AK5: variants seen among roughly 807,000 people sequenced by gnomAD.
AK5 encodes the protein adenylate kinase isoenzyme 5.
Under a neutral mutation model 69.5 loss-of-function variants are expected in AK5, and 27 were observed. The ratio of observed to expected loss-of-function variants is 0.39; its 90% CI spans 0.29 to 0.54. AK5 has a LOEUF of 0.54. Among genes scored for constraint, AK5 ranks in the 20% least tolerant of loss-of-function variants. AK5 has a pLI of 0.71. For synonymous variants in AK5, 260 were observed against 244.4 expected (o/e 1.06, Z -0.60); for missense variants, 531 against 700.4 (o/e 0.76, Z 2.73).
rs1323940877 is a variant in AK5, at chr1:77,367,564, T to TA, written c.891+26997dup. The stretch of plus-strand genomic sequence containing the variant: ...GACTCATTTATGTTATTTTTATATA[T>TA]ATATATATATATATAATATATATGT... On this transcript the variant is annotated intron_variant, in intron 6 of 13. Transcript: ENST00000354567. 7.1e-4 allele frequency among the ~76,000 whole-genome samples: 11 copies of TA among 15,466 alleles called. 1 individual carries two copies. Among genetic ancestry groups the TA allele is most frequent in the Non-Finnish European group, 1.3e-4 (1 of 7,574 alleles). 10.1% of individuals were successfully genotyped at this position (15,466 alleles called of 152,430 possible). A position where few individuals can be genotyped will look rare whatever the true frequency, so the allele number is the denominator to read the frequency against.
At chr1:77,541,504 T>TG (rs1181489531) in intron 13 of AK5, among the ~76,000 whole-genome samples, 1 of 152,172 alleles carries the variant, frequency 6.6e-6, no homozygotes, top group Non-Finnish European at 1.5e-5. Context: ...CACCACATCT[T>TG]TTTGCTGTGA....
At chr1:77,501,382 G>A (rs1656709105) in intron 10 of AK5, among the ~76,000 whole-genome samples, 1 of 152,200 alleles carries the variant, frequency 6.6e-6, no homozygotes, top group Admixed American at 6.5e-5. Context: ...GCATTCTGAG[G>A]AATGCCTCAT....
At chr1:77,537,710 T>C (rs540620297) in intron 13 of AK5, among the ~76,000 whole-genome samples, 1 of 152,208 alleles carries the variant, frequency 6.6e-6, no homozygotes, top group Admixed American at 6.5e-5. Flanking sequence ...GGGAAAACCA[T>C]TGATAATGAA....
chr1:77,533,509 C>CAAAAAAAAA (rs10526328), intron 12 of AK5, among the ~76,000 whole-genome samples: 1 of 94,972 alleles, frequency 1.1e-5, no homozygotes, highest in African/African-American at 5.0e-5. Context: ...ACTCTGTCAC[C>CAAAAAAAAA]AAAAAAAAAA....
chr1:77,450,362 T>G (rs1365317494), intron 8 of AK5, among the ~76,000 whole-genome samples: 1 of 152,164 alleles, frequency 6.6e-6, no homozygotes, highest in African/African-American at 2.4e-5. Flanking sequence ...TGGTACCAAA[T>G]TACTGTATTA....
chr1:77,475,357 T>TG (rs575690586), intron 8 of AK5, among the ~76,000 whole-genome samples: 11 of 126,108 alleles, frequency 8.7e-5, no homozygotes, highest in Admixed American at 3.7e-4. Flanking sequence ...TACATATATA[T>TG]TATATATATA....
At chr1:77,482,526 A>G (rs1206339728) in intron 8 of AK5, among the ~76,000 whole-genome samples, 1 of 152,146 alleles carries the variant, frequency 6.6e-6, no homozygotes, top group Non-Finnish European at 1.5e-5. Context: ...TAATCCCAGC[A>G]CTTTGAAAGG....
At chr1:77,367,620 T>TTATA (rs1553139814) in intron 6 of AK5, among the ~76,000 whole-genome samples, 1 of 69,954 alleles carries the variant, frequency 1.4e-5, no homozygotes, top group African/African-American at 7.6e-5. Flanking sequence ...AATATATATG[T>TTATA]TATATATGTA....
At chr1:77,414,562 C>A (rs2100576510) in intron 7 of AK5, among the ~76,000 whole-genome samples, 1 of 152,282 alleles carries the variant, frequency 6.6e-6, no homozygotes, top group African/African-American at 2.4e-5. Context: ...AGGAGCCAAC[C>A]TGAAAATAAT....
chr1:77,530,225 T>C (rs1294953943), intron 12 of AK5, among the ~76,000 whole-genome samples: 1 of 152,234 alleles, frequency 6.6e-6, no homozygotes, highest in Non-Finnish European at 1.5e-5. Flanking sequence ...GTTTCTGCTC[T>C]CTTCTGATTC....
chr1:77,504,302 T>G (rs1211251109), intron 10 of AK5, among the ~76,000 whole-genome samples: 1 of 152,152 alleles, frequency 6.6e-6, no homozygotes. Flanking sequence ...TTTCTTTTCT[T>G]TTTACAAAAA....
chr1:77,283,570 A>G (rs1658183013), intron 1 of AK5: 3 of 985,380 alleles, frequency 3.0e-6, no homozygotes, highest in Non-Finnish European at 3.6e-6. Flanking sequence ...TCTCACCTCT[A>G]TAAGCCACCG....
At chr1:77,530,289 T>C (rs1270248028) in intron 12 of AK5, among the ~76,000 whole-genome samples, 2 of 152,214 alleles carry the variant, frequency 1.3e-5, no homozygotes, top group African/African-American at 4.8e-5. Flanking sequence ...GGAGAAGTTA[T>C]ATATCAATTG....
At chr1:77,454,384 T>A (rs549576072) in intron 8 of AK5, among the ~76,000 whole-genome samples, 118 of 151,480 alleles carry the variant, frequency 7.8e-4, no homozygotes, top group African/African-American at 2.7e-3. Context: ...GCCTAGCCAT[T>A]CTCTCTCTCT....
intron 7 of AK5, among the ~76,000 whole-genome samples, chr1:77,414,805 A>T (rs1650285399): frequency 6.6e-6 from 1 of 152,228 alleles, no homozygotes; most frequent in South Asian, 2.1e-4. Flanking sequence ...GTGTTAAATT[A>T]TCCAACGAAA....
intron 6 of AK5, among the ~76,000 whole-genome samples, chr1:77,398,649 G>A (rs540627429): frequency 2.6e-5 from 4 of 152,168 alleles, no homozygotes; most frequent in Admixed American, 6.6e-5. Flanking sequence ...AACGAGAACT[G>A]CACAGTGTAA....
intron 7 of AK5, among the ~76,000 whole-genome samples, chr1:77,411,482 AC>A (rs1214925862): frequency 1.3e-5 from 2 of 151,930 alleles, no homozygotes; most frequent in Non-Finnish European, 2.9e-5. Flanking sequence ...TCCCATCCCA[AC>A]CCACAGCTCC....
chr1:77,417,226 A>G (rs1389733434), intron 7 of AK5, among the ~76,000 whole-genome samples: 1 of 151,916 alleles, frequency 6.6e-6, no homozygotes, highest in Non-Finnish European at 1.5e-5. Context: ...TTCTACTTCC[A>G]TTATTGTTGC....
At chr1:77,423,988 A>G (rs1452749587) in intron 8 of AK5, among the ~76,000 whole-genome samples, 1 of 152,188 alleles carries the variant, frequency 6.6e-6, no homozygotes. Flanking sequence ...GGAGAAAAGT[A>G]TCGAAAAACA....
Sources: allele counts gnomAD v4.1 joint callset (sites outside exome capture counted in the v4.1 genomes callset), GRCh38; gene constraint gnomAD v4.1.1; transcripts MANE v1.5; gene names NCBI Gene and HGNC (gene_info 2026-07-23, HGNC 2026-07-21).